The following SCN11A variants were observed in gnomAD, a reference collection of about 807,000 sequenced individuals.
SCN11A encodes sodium voltage-gated channel alpha subunit 11.
A neutral mutation model predicts 162.2 loss-of-function variants in SCN11A; 122 were observed. The observed-to-expected ratio is 0.75, with a 90% confidence interval of 0.65 to 0.87. The LOEUF is 0.87. Ranked by LOEUF, SCN11A falls within the 40% of genes least tolerant of loss-of-function variation. The pLI is 0.00. For missense variants in SCN11A, 2,015 were observed against 2,181.6 expected (o/e 0.92, Z 1.52); for synonymous variants, 758 against 751.5 (o/e 1.01, Z -0.14).
intron 2 of SCN11A, among the ~76,000 whole-genome samples, chr3:38,960,976 G>GT (rs908396605): frequency 1.4e-3 from 208 of 152,056 alleles, no homozygotes; most frequent in Middle Eastern, 6.8e-3. Context: ...AGCTCTTAGT[G>GT]TTTTTTTTGT....
chr3:38,978,033 G>A (rs1293659429), intron 2 of SCN11A, among the ~76,000 whole-genome samples: 1 of 152,204 alleles, frequency 6.6e-6, no homozygotes, highest in Non-Finnish European at 1.5e-5. Context: ...GCCAAGCACT[G>A]TTGGAACCTT....
intron 19 of SCN11A, among the ~76,000 whole-genome samples, chr3:38,893,432 C>A (rs376767836): frequency 4.6e-5 from 7 of 152,060 alleles, no homozygotes; most frequent in African/African-American, 1.7e-4. Flanking sequence ...GATCTCAATA[C>A]CTTATTTTCA....
chr3:38,889,538 G>A (rs1307061310), intron 19 of SCN11A, among the ~76,000 whole-genome samples: 1 of 152,004 alleles, frequency 6.6e-6, no homozygotes, highest in African/African-American at 2.4e-5. Context: ...GGTGGCTCAC[G>A]CCTGTAATCC....
At position 38,847,399 on chromosome 3, in the gene SCN11A, G is replaced by A. The variant is rs2064689894; in HGVS notation, c.4671C>T (p.Leu1557=). 1.2e-6 allele frequency: 2 copies of A among 1,614,128 alleles called. No homozygotes were observed. The highest frequency in any genetic ancestry group is 1.7e-6 in the Non-Finnish European group (2 of 1,179,998). Residue 1557 remains leucine, a synonymous_variant, in exon 30 of 30, where the codon CTC becomes CTT. Transcript: ENST00000302328. The part of the protein sequence containing the change: ...ISTSAGWDSL[L]SPMLRSKESC... Reference sequence around the variant, plus strand: ...ATTCTTTTGATCGCAGCATGGGGCTGAGCAGGGAATCCCAACCTGCTGATG... The same window carrying A: ...ATTCTTTTGATCGCAGCATGGGGCTAAGCAGGGAATCCCAACCTGCTGATG...
intron 1 of SCN11A, among the ~76,000 whole-genome samples, chr3:39,045,228 C>T (rs1232379322): frequency 1.3e-5 from 2 of 152,108 alleles, no homozygotes; most frequent in Non-Finnish European, 2.9e-5. Context: ...AAATAACTAA[C>T]ACCAATTCCT....
At chr3:38,963,390 G>GGA (rs1491510685) in intron 2 of SCN11A, among the ~76,000 whole-genome samples, 7 of 39,772 alleles carry the variant, frequency 1.8e-4, no homozygotes. Flanking sequence ...TATATATGAT[G>GGA]GAGATATATA....
intron 2 of SCN11A, among the ~76,000 whole-genome samples, chr3:39,021,142 C>G (rs1393723118): frequency 6.6e-6 from 1 of 151,942 alleles, no homozygotes; most frequent in Non-Finnish European, 1.5e-5. Context: ...TGGTTTAGCG[C>G]TCCACCAAGA....
rs773343374 is a variant in SCN11A at position 38,871,518 on chromosome 3, C to T, written c.3686G>A (p.Gly1229Asp). 1 of 1,612,586 alleles carries T rather than the reference C, an allele frequency of 6.2e-7. No individual in the cohort carries two copies. The highest frequency in any genetic ancestry group is 8.5e-7 in the Non-Finnish European group (1 of 1,179,150). The change falls in exon 25 of 30, where the codon GGC (glycine) becomes GAC (aspartate). Residue 1229 changes from glycine (G) to aspartate (D), a missense_variant. Transcript: ENST00000302328. ...TTTCTGGTTGATCCAAGAGAAATTG[C>T]CACTTTCACATTGACTTTTATTTGT... ...IITNKSQCES[G>D]NFSWINQKVN...
At chr3:39,031,328 C>A (rs1044896906) in intron 2 of SCN11A, among the ~76,000 whole-genome samples, 4 of 152,056 alleles carry the variant, frequency 2.6e-5, no homozygotes, top group African/African-American at 4.8e-5. Context: ...AAGTTGGAGA[C>A]CAGCCTGGCC....
chr3:38,908,102 A>G lies in SCN11A; in HGVS notation c.1320T>C (p.Ile440=), dbSNP rs1575277506. ...CAAGGGAAGTAAGTGAACTTCTGTC[A>G]ATTCCCATGGCAACCAGAGCCTTCA... ...EEKEALVAMG[I]DRSSLTSLET... is the part of the protein sequence containing the mutation. Residue 440 remains isoleucine, a synonymous_variant, in exon 14 of 30, where the codon ATT becomes ATC. Transcript: ENST00000302328. The G allele has an allele frequency of 1.6e-5, 25 of 1,612,348 alleles. No individual in the cohort carries two copies. Among genetic ancestry groups the G allele is most frequent in the Non-Finnish European group, 2.1e-5 (25 of 1,179,658 alleles).
rs73828718 is a variant in SCN11A at position 38,922,401 on chromosome 3, T to A, written c.713-1146A>T. ...CTCCAAAGCAAGAAATGTGGATGAGTGATGATTGTGATTCCTGGATCATTT... is the reference window on the plus strand; with the variant it reads ...CTCCAAAGCAAGAAATGTGGATGAGAGATGATTGTGATTCCTGGATCATTT... On this transcript the variant is annotated intron_variant, in intron 9 of 29. Coordinates refer to ENST00000302328, the MANE Select transcript of SCN11A (RefSeq NM_001349253.2). Among the ~76,000 whole-genome samples, 732 of 152,284 alleles carry A rather than the reference T, an allele frequency of 4.8e-3. 6 individuals carry two copies. The highest frequency in any genetic ancestry group is 0.017 in the African/African-American group (701 of 41,554).
chr3:39,004,094 CT>C (rs1334724414), intron 2 of SCN11A, among the ~76,000 whole-genome samples: 1 of 152,152 alleles, frequency 6.6e-6, no homozygotes, highest in African/African-American at 2.4e-5. Context: ...AAATCTTTCC[CT>C]ATTCCTATGT....
intron 1 of SCN11A, among the ~76,000 whole-genome samples, chr3:39,042,480 T>C (rs973314481): frequency 6.6e-6 from 1 of 151,586 alleles, no homozygotes; most frequent in Admixed American, 6.6e-5. Flanking sequence ...AAAGCAAAAA[T>C]GAACAAATGG....
chr3:38,971,072 T>A lies in SCN11A; in HGVS notation c.-279-10649A>T, dbSNP rs1255723103. 2.6e-5 allele frequency among the ~76,000 whole-genome samples: 4 copies of A among 152,130 alleles called. No individual in the cohort carries two copies. In the East Asian group the frequency reaches 7.7e-4, roughly 29 times the overall value. On this transcript the variant is annotated intron_variant, in intron 2 of 29. Transcript: ENST00000302328. ...CGTGGCTCAAATCCAGAGACGTAAG[T>A]GTCTGATGTGTGTCCCTGAGAGCTC...
intron 19 of SCN11A, among the ~76,000 whole-genome samples, chr3:38,892,375 T>A (rs1239008696): frequency 6.6e-6 from 1 of 152,220 alleles, no homozygotes. Context: ...TTCTTTTAGC[T>A]GATTTCAAAA....
chr3:38,981,539 G>T (rs201370845), intron 2 of SCN11A, among the ~76,000 whole-genome samples: 1 of 99,916 alleles, frequency 1.0e-5, no homozygotes, highest in Non-Finnish European at 2.1e-5. Context: ...GTGTGTGTTT[G>T]TGTGTGTGTG....
rs184632436 is a variant in SCN11A, at chr3:38,957,033, G to A, written c.-139+3250C>T. ...AGCTAAATTCCTCATCTCCCATAGG[G>A]ACAATTCAAAAACTTCTACTCAAAC... is the stretch of plus-strand genomic sequence containing the variant. On this transcript the variant is annotated intron_variant, in intron 3 of 29. Coordinates refer to ENST00000302328, the MANE Select transcript of SCN11A (RefSeq NM_001349253.2). Among the ~76,000 whole-genome samples the A allele has an allele frequency of 1.2e-4, 19 of 152,236 alleles. No homozygotes were observed. The South Asian group carries it at 3.1e-3, about 25-fold the overall frequency.
chr3:38,966,734 G>A (rs2066784814), intron 2 of SCN11A, among the ~76,000 whole-genome samples: 1 of 152,138 alleles, frequency 6.6e-6, no homozygotes, highest in East Asian at 1.9e-4. Flanking sequence ...TGTACCCACT[G>A]ACCAATCTCT....
chr3:38,888,250 C>T (rs1559509473), intron 19 of SCN11A, among the ~76,000 whole-genome samples: 1 of 152,202 alleles, frequency 6.6e-6, no homozygotes, highest in Non-Finnish European at 1.5e-5. Context: ...GGCAAAAGTA[C>T]CCACTGGTTC....
Sources: allele counts gnomAD v4.1 joint callset (sites outside exome capture counted in the v4.1 genomes callset), GRCh38; gene constraint gnomAD v4.1.1; transcripts MANE v1.5; gene names NCBI Gene and HGNC (gene_info 2026-07-23, HGNC 2026-07-21).